The following KYNU variants were observed in gnomAD, a reference collection of about 807,000 sequenced individuals.
KYNU encodes the protein L-kynurenine hydrolase.
KYNU carries 54 observed loss-of-function variants against 59.2 expected under a neutral mutation model. That is an observed-to-expected ratio of 0.91 (90% CI 0.73 to 1.14). The LOEUF (loss-of-function observed/expected upper bound fraction) is 1.14. Among genes scored for constraint, KYNU ranks in the 50% most tolerant of loss-of-function variants. KYNU has a pLI of 0.00. For synonymous variants in KYNU, 177 were observed against 192.0 expected, an observed-to-expected ratio of 0.92 and a Z score of 0.65; for missense variants, 567 against 554.4, an observed-to-expected ratio of 1.02 and a Z score of -0.23.
chr2:142,969,041 T>C (rs1684632758), intron 8 of KYNU, among the ~76,000 whole-genome samples: 2 of 152,134 alleles, frequency 1.3e-5, no homozygotes, highest in Non-Finnish European at 2.9e-5. Context: ...TTTTTATTCA[T>C]CCTCATTCCC....
intron 3 of KYNU, among the ~76,000 whole-genome samples, chr2:142,924,875 C>G (rs1266200870): frequency 6.6e-6 from 1 of 152,152 alleles, no homozygotes; most frequent in Admixed American, 6.5e-5. Flanking sequence ...GGCCACTTTA[C>G]TTTGGGTTTA....
rs193212463 is a variant in KYNU, at chr2:143,043,849, T to G, written c.*1677T>G. Reference sequence around the variant, plus strand: ...TATATAAAGTATAAATATATATATATTTATACTTTAAGTTCTTGGATACAC... The same window carrying G: ...TATATAAAGTATAAATATATATATAGTTATACTTTAAGTTCTTGGATACAC... On this transcript the variant is annotated 3_prime_UTR_variant, in exon 14 of 14. Transcript: ENST00000264170. 6.8e-5 allele frequency: 10 copies of G among 147,762 alleles called. No individual in the cohort carries two copies. The East Asian group carries it at 1.4e-3, about 20-fold the overall frequency. The allele number at this position is 147,762 out of a possible 1,614,324, so 9.2% of individuals were successfully genotyped here.
intron 4 of KYNU, among the ~76,000 whole-genome samples, chr2:142,951,248 TAACAAACA>T (rs891816197): frequency 6.6e-6 from 1 of 152,134 alleles, no homozygotes; most frequent in Non-Finnish European, 1.5e-5. Flanking sequence ...ACAGTTTGTT[TAACAAACA>T]AACAAACAAA....
chr2:143,022,036 A>G (rs352924), intron 10 of KYNU, among the ~76,000 whole-genome samples: 53,996 of 151,918 alleles, frequency 0.36, 10,574 homozygotes, highest in East Asian at 0.52. Flanking sequence ...CTGAATATTT[A>G]TATCAAATAA....
In KYNU at chr2:143,053,535, A is replaced by C. The variant is rs1176844807; in HGVS notation, c.*11363A>C. The C allele has an allele frequency of 1.3e-5, 2 of 152,138 alleles. No individual in the cohort carries two copies. The highest frequency in any genetic ancestry group is 3.8e-4 in the East Asian group (2 of 5,196). 9.4% of individuals were successfully genotyped at this position (152,138 alleles called of 1,614,324 possible). A position where few individuals can be genotyped will look rare whatever the true frequency, so the allele number is the denominator to read the frequency against. On this transcript the variant is annotated 3_prime_UTR_variant, in exon 14 of 14. Transcript: ENST00000264170. ...ATCTTGAATTTCTATGTGTTTGGAG[A>C]GGTACCCGGTGGGAGGTAATTGAAT...
chr2:142,884,939 T>C (rs980011021), intron 1 of KYNU, among the ~76,000 whole-genome samples: 8 of 149,180 alleles, frequency 5.4e-5, no homozygotes, highest in Non-Finnish European at 1.0e-4. Flanking sequence ...TTTTCTCATA[T>C]ATGAAAAGAA....
rs1683086946 is a variant in KYNU at position 142,927,668 on chromosome 2, T to G, written c.300T>G (p.Tyr100Ter). 1.2e-6 allele frequency: 2 copies of G among 1,612,712 alleles called. No homozygotes were observed. ...CCGTTTTCAATTTCAGAGCAGCCTATGGTCATGAAGTGGGGAAGCGTCCTT... is the reference window on the plus strand; with the variant it reads ...CCGTTTTCAATTTCAGAGCAGCCTAGGGTCATGAAGTGGGGAAGCGTCCTT... Reference protein sequence around the residue: ...ELDKWAKIAAYGHEVGKRPWI... With the variant: ...ELDKWAKIAA The change falls in exon 4 of 14, where the codon TAT becomes TAG. Residue 100 changes from tyrosine to a stop codon, truncating the protein, a stop_gained. Transcript: ENST00000264170. LOFTEE classifies it high-confidence loss of function.
At chr2:142,900,928 G>A (rs931479395) in intron 2 of KYNU, among the ~76,000 whole-genome samples, 3 of 152,076 alleles carry the variant, frequency 2.0e-5, no homozygotes, top group Admixed American at 6.6e-5. Flanking sequence ...TTATAGCTTT[G>A]ATTCTGGAAG....
At chr2:143,035,850 G>A (rs1686879370) in intron 12 of KYNU, among the ~76,000 whole-genome samples, 1 of 152,140 alleles carries the variant, frequency 6.6e-6, no homozygotes, top group Non-Finnish European at 1.5e-5. Context: ...TCAGCTCACT[G>A]CAACCTCTGC....
intron 10 of KYNU, among the ~76,000 whole-genome samples, chr2:142,987,943 G>T (rs1264336933): frequency 1.3e-5 from 2 of 151,844 alleles, no homozygotes; most frequent in Non-Finnish European, 2.9e-5. Flanking sequence ...GGCCATGAAA[G>T]ATGTTCCTGC....
At chr2:142,972,390 T>C (rs889048982) in intron 8 of KYNU, among the ~76,000 whole-genome samples, 1 of 152,154 alleles carries the variant, frequency 6.6e-6, no homozygotes, top group Non-Finnish European at 1.5e-5. Flanking sequence ...GCTCATTTTC[T>C]TCCCTCCTCT....
At chr2:142,969,786 A>G (rs1404581603) in intron 8 of KYNU, among the ~76,000 whole-genome samples, 2 of 152,184 alleles carry the variant, frequency 1.3e-5, no homozygotes, top group African/African-American at 2.4e-5. Context: ...ATTCATTGGC[A>G]TAACAGCTAA....
At position 142,981,872 on chromosome 2, in the gene KYNU, T is replaced by A. The variant is rs72849136; in HGVS notation, c.730-3212T>A. 8.6e-3 allele frequency among the ~76,000 whole-genome samples: 1,313 copies of A among 152,140 alleles called. 7 individuals carry two copies. Among genetic ancestry groups the A allele is most frequent in the Non-Finnish European group, 0.013 (894 of 67,962 alleles). ...TTTCCGTAAAGAACCAAGTAGCAAA[T>A]ATTTTAGGCTTTGTGGGCCATATGG... On this transcript the variant is annotated intron_variant, in intron 8 of 13. Transcript: ENST00000264170.
At chr2:142,949,894 T>A (rs1258301981) in intron 4 of KYNU, among the ~76,000 whole-genome samples, 1 of 152,216 alleles carries the variant, frequency 6.6e-6, no homozygotes, top group Non-Finnish European at 1.5e-5. Flanking sequence ...GCTCTGTTTC[T>A]CTTTTCAAAT....
At chr2:142,878,095 G>A (rs1048370775) in intron 1 of KYNU, among the ~76,000 whole-genome samples, 6 of 152,116 alleles carry the variant, frequency 3.9e-5, no homozygotes. Flanking sequence ...TTCTTAAACA[G>A]ATTTTAAGTC....
intron 3 of KYNU, among the ~76,000 whole-genome samples, chr2:142,923,932 T>C (rs1323054057): frequency 1.3e-5 from 2 of 152,192 alleles, no homozygotes; most frequent in African/African-American, 4.8e-5. Flanking sequence ...GACAGGACAC[T>C]GATAAAACAT....
chr2:143,016,082 C>G (rs1686238442), intron 10 of KYNU, among the ~76,000 whole-genome samples: 2 of 152,178 alleles, frequency 1.3e-5, no homozygotes, highest in South Asian at 4.1e-4. Context: ...ATAGTTTTCT[C>G]TAAACGTTCA....
chr2:142,904,996 C>T (rs1325874044), intron 2 of KYNU, among the ~76,000 whole-genome samples: 1 of 152,134 alleles, frequency 6.6e-6, no homozygotes, highest in Non-Finnish European at 1.5e-5. Flanking sequence ...TTCATAACAA[C>T]CTGGCTGCCC....
intron 10 of KYNU, among the ~76,000 whole-genome samples, chr2:143,001,822 G>A (rs182053113): frequency 6.6e-6 from 1 of 152,304 alleles, no homozygotes; most frequent in East Asian, 1.9e-4. Flanking sequence ...AAGTGGTGTT[G>A]TAAAAATTTA....
Sources: allele counts gnomAD v4.1 joint callset (sites outside exome capture counted in the v4.1 genomes callset), GRCh38; gene constraint gnomAD v4.1.1; transcripts MANE v1.5; gene names NCBI Gene and HGNC (gene_info 2026-07-23, HGNC 2026-07-21).